Variants in PFN2 observed in about 807,000 individuals in gnomAD.
The protein encoded by PFN2 is profilin 2, also known as profilin-2.
A neutral mutation model predicts 15.3 loss-of-function variants in PFN2; 8 were observed. That is an observed-to-expected ratio of 0.52 (90% confidence interval 0.31 to 0.95). PFN2 has a LOEUF of 0.95. PFN2 is among the 40% of genes least tolerant of loss of function. The pLI is 0.05. For missense variants in PFN2, 111 were observed against 182.3 expected (o/e 0.61, Z 2.25); for synonymous variants, 79 against 67.9 (o/e 1.16, Z -0.81).
chr3:149,968,835 C>G, intron 1 of PFN2: 1 of 354,414 alleles, frequency 2.8e-6, no homozygotes, highest in Non-Finnish European at 5.1e-6. Context: ...ACAGTTGACA[C>G]TAGACAAAGT....
Position 149,965,400 on chromosome 3 carries a change from G to C in PFN2, c.*1089C>G. The C allele has an allele frequency of 1.4e-6, 2 of 1,455,848 alleles. No individual in the cohort carries two copies. The highest frequency in any genetic ancestry group is 1.8e-6 in the Non-Finnish European group (2 of 1,113,330). The allele number at this position is 1,455,848 out of a possible 1,614,324, so 90.2% of individuals were successfully genotyped here. A position where few individuals can be genotyped will look rare whatever the true frequency, so the allele number is the denominator to read the frequency against. On this transcript the variant is annotated 3_prime_UTR_variant, in exon 3 of 3. Coordinates refer to ENST00000239940, the MANE Select transcript of PFN2 (RefSeq NM_053024.4). ...AATTTTACTAAAGAGTAGAGCTGGT[G>C]TGCAAAGAAAAAGGAAGAAAAATCT...
chr3:149,966,155 G>C lies in PFN2; in HGVS notation c.*334C>G. The C allele has an allele frequency of 6.2e-7, 1 of 1,611,632 alleles. No homozygotes were observed. Among genetic ancestry groups the C allele is most frequent in the Non-Finnish European group, 8.5e-7 (1 of 1,178,818 alleles). On this transcript the variant is annotated 3_prime_UTR_variant, in exon 3 of 3. Transcript: ENST00000239940. ...GATGAAGACAGTTGCTAGGTAGATG[G>C]GGAGAGGCTGCTTACACATCAGACC...
In PFN2 at chr3:149,966,373, G is replaced by A. The variant is rs564965828; in HGVS notation, c.*116C>T. On this transcript the variant is annotated 3_prime_UTR_variant, in exon 3 of 3. Coordinates refer to ENST00000239940, the MANE Select transcript of PFN2 (RefSeq NM_053024.4). ...AACAGAGGGATACAAAGGAGACACA[G>A]GTTCATACCCCATCACCCTGCATTG... 6.7e-5 allele frequency: 106 copies of A among 1,587,112 alleles called. No homozygotes were observed. In the East Asian group the frequency reaches 2.3e-3, roughly 34 times the overall value.
chr3:149,968,935 G>GATAGACC (rs1559986794), intron 1 of PFN2: 6 of 187,530 alleles, frequency 3.2e-5, no homozygotes, highest in African/African-American at 1.4e-4. Flanking sequence ...TATCAACTCT[G>GATAGACC]AACAAAGCTG....
At chr3:149,968,682 T>C (rs971369151) in intron 1 of PFN2, 132 bp from the exon 2 acceptor site, 1 of 676,420 alleles carries the variant, frequency 1.5e-6, no homozygotes, top group Non-Finnish European at 2.5e-6. Context: ...CACATTTCAC[T>C]AATGTAAAAC....
intron 1 of PFN2, among the ~76,000 whole-genome samples, chr3:149,970,008 T>G (rs1198851636): frequency 1.3e-5 from 2 of 150,598 alleles, no homozygotes; most frequent in Non-Finnish European, 2.9e-5. Context: ...AATCTCCATA[T>G]GAGAAGAGAA....
Position 149,966,347 on chromosome 3 carries a change from C to T in PFN2, c.*142G>A, listed in dbSNP as rs1470186729. On this transcript the variant is annotated 3_prime_UTR_variant, in exon 3 of 3. Transcript: ENST00000239940. The stretch of plus-strand genomic sequence containing the variant: ...CAGAAAGAAAGACACCTTTCCCCAC[C>T]AACAGAGGGATACAAAGGAGACACA... 8 of 1,593,606 alleles carry T rather than the reference C, an allele frequency of 5.0e-6. No homozygotes were observed. In the East Asian group the frequency reaches 1.8e-4, roughly 36 times the overall value.
At chr3:149,967,232 G>A (rs981853843) in intron 2 of PFN2, among the ~76,000 whole-genome samples, 1 of 152,150 alleles carries the variant, frequency 6.6e-6, no homozygotes, top group Non-Finnish European at 1.5e-5. Flanking sequence ...ATTCAAAGGT[G>A]TATAACCCAA....
chr3:149,970,759 G>A lies in PFN2; in HGVS notation c.98C>T (p.Ala33Val). 1 of 1,519,524 alleles carries A rather than the reference G, an allele frequency of 6.6e-7. No individual in the cohort carries two copies. Among genetic ancestry groups the A allele is most frequent in the Non-Finnish European group, 8.8e-7 (1 of 1,130,416 alleles). The allele number at this position is 1,519,524 out of a possible 1,614,324, so 94.1% of individuals were successfully genotyped here. ...VGYCDAKYVW[A>V]ATAGGVFQSI... The stretch of plus-strand genomic sequence containing the variant: ...CTGAAAGACGCCCCCGGCCGTGGCT[G>A]CCCAGACGTATTTGGCGTCGCAGTA... Residue 33 changes from alanine to valine, a missense_variant, in exon 1 of 3, where the codon GCA becomes GTA. Ala to Val is a moderately conservative substitution (Grantham distance 64). Around this residue, in one of 2 missense-constraint regions of PFN2, gnomAD observed 64 missense variants for 69.7 expected, o/e 0.92. Coordinates refer to ENST00000239940, the MANE Select transcript of PFN2 (RefSeq NM_053024.4).
chr3:149,966,983 A>G (rs1051635651), intron 2 of PFN2, among the ~76,000 whole-genome samples: 6 of 152,154 alleles, frequency 3.9e-5, no homozygotes, highest in Admixed American at 6.6e-5. Flanking sequence ...ACTCTCCCCA[A>G]ATTTTAACAT....
chr3:149,969,658 G>A (rs1426974108), intron 1 of PFN2, among the ~76,000 whole-genome samples: 1 of 152,178 alleles, frequency 6.6e-6, no homozygotes, highest in Non-Finnish European at 1.5e-5. Context: ...TTAATGGAAA[G>A]GGAGCGTGGT....
intron 2 of PFN2, chr3:149,968,087 A>C (rs1272799347): frequency 5.8e-6 from 2 of 346,506 alleles, no homozygotes; most frequent in African/African-American, 4.2e-5. Flanking sequence ...TTGACATGTC[A>C]AGCAGTTTAA....
Position 149,966,464 on chromosome 3 carries a change from T to TA in PFN2, c.*24dup, listed in dbSNP as rs1282673811. 19 of 1,605,904 alleles carry TA rather than the reference T, an allele frequency of 1.2e-5. No individual in the cohort carries two copies. The highest frequency in any genetic ancestry group is 1.5e-5 in the Non-Finnish European group (18 of 1,177,644). Reference sequence around the variant, plus strand: ...GGAAAGTTTAAGAGCAATTTTCCCCTAATACTTAACAGTCTGCCTAGCAGC... The same window carrying TA: ...GGAAAGTTTAAGAGCAATTTTCCCCTAAATACTTAACAGTCTGCCTAGCAGC... On this transcript the variant is annotated 3_prime_UTR_variant, in exon 3 of 3. Transcript: ENST00000239940.
rs1722679024 is a variant in PFN2 at position 149,965,960 on chromosome 3, A to T, written c.*529T>A. ...TCCCCCCAATTTCAAGGTATCATGC[A>T]AATCATTATTGTGCTGCAATTATGT... On this transcript the variant is annotated 3_prime_UTR_variant, in exon 3 of 3. Coordinates refer to ENST00000239940, the MANE Select transcript of PFN2 (RefSeq NM_053024.4). 7.3e-7 allele frequency: 1 copy of T among 1,361,112 alleles called. No homozygotes were observed. The highest frequency in any genetic ancestry group is 1.5e-5 in the African/African-American group (1 of 67,822). The allele number at this position is 1,361,112 out of a possible 1,614,324, so 84.3% of individuals were successfully genotyped here.
Position 149,965,939 on chromosome 3 carries a change from C to A in PFN2, c.*550G>T. ...TGCCCAACTTGGCATGCCCCCTCCC[C>A]CCAATTTCAAGGTATCATGCAAATC... On this transcript the variant is annotated 3_prime_UTR_variant, in exon 3 of 3. Transcript: ENST00000239940. 1 of 1,323,588 alleles carries A rather than the reference C, an allele frequency of 7.6e-7. No individual in the cohort carries two copies. Among genetic ancestry groups the A allele is most frequent in the South Asian group, 2.1e-5 (1 of 46,886 alleles). The allele number at this position is 1,323,588 out of a possible 1,614,324, so 82.0% of individuals were successfully genotyped here.
chr3:149,970,049 T>A lies in PFN2; in HGVS notation c.132+676A>T, dbSNP rs59080014. 2.9e-3 allele frequency among the ~76,000 whole-genome samples: 393 copies of A among 136,088 alleles called. 2 individuals are homozygous for A. Among genetic ancestry groups the A allele is most frequent in the African/African-American group, 8.2e-3 (307 of 37,248 alleles). The allele number at this position is 136,088 out of a possible 152,430, so 89.3% of individuals were successfully genotyped here. A position where few individuals can be genotyped will look rare whatever the true frequency, so the allele number is the denominator to read the frequency against. On this transcript the variant is annotated intron_variant, in intron 1 of 2. Transcript: ENST00000239940. The stretch of plus-strand genomic sequence containing the variant: ...TGGCAGTTCGCCATCTTGGAGAATT[T>A]AAAAAAAAAAAAAAAACAACCTATA...
intron 1 of PFN2, among the ~76,000 whole-genome samples, chr3:149,969,246 T>C (rs1421786390): frequency 6.6e-6 from 1 of 152,080 alleles, no homozygotes; most frequent in African/African-American, 2.4e-5. Flanking sequence ...AGCACTGCGG[T>C]AGGCAATAGT....
Position 149,966,128 on chromosome 3 carries a change from TTGA to T in PFN2, c.*358_*360del. ...AGCATTGTGACCATAATTAGGGTTG[TTGA>T]TGAAGACAGTTGCTAGGTAGATGGG... is the stretch of plus-strand genomic sequence containing the variant. On this transcript the variant is annotated 3_prime_UTR_variant, in exon 3 of 3. Coordinates refer to ENST00000239940, the MANE Select transcript of PFN2 (RefSeq NM_053024.4). 1.3e-6 allele frequency: 2 copies of T among 1,599,210 alleles called. No individual in the cohort carries two copies. The highest frequency in any genetic ancestry group is 1.7e-6 in the Non-Finnish European group (2 of 1,174,038).
chr3:149,970,776 G>C lies in PFN2; in HGVS notation c.81C>G (p.Asp27Glu). ...CCGTGGCTGCCCAGACGTATTTGGC[G>C]TCGCAGTAGCCGACAATGGCGGCCT... ...CQEAAIVGYC[D>E]AKYVWAATAG... The change falls in exon 1 of 3, where the codon GAC becomes GAG. Residue 27 changes from aspartate (D) to glutamate (E), a missense_variant. By Grantham distance (45) the Asp-to-Glu change is conservative (BLOSUM62 2). Coordinates refer to ENST00000239940, the MANE Select transcript of PFN2 (RefSeq NM_053024.4). The C allele has an allele frequency of 1.3e-6, 2 of 1,517,636 alleles. No individual in the cohort carries two copies. The allele number at this position is 1,517,636 out of a possible 1,614,324, so 94.0% of individuals were successfully genotyped here. A position where few individuals can be genotyped will look rare whatever the true frequency, so the allele number is the denominator to read the frequency against.
Sources: allele counts gnomAD v4.1 joint callset (sites outside exome capture counted in the v4.1 genomes callset), GRCh38; gene constraint gnomAD v4.1.1; regional missense constraint gnomAD v4.1.1; transcripts MANE v1.5; gene names NCBI Gene and HGNC (gene_info 2026-07-23, HGNC 2026-07-21).